TERT: variants seen among roughly 807,000 people sequenced by gnomAD.
TERT encodes the protein telomerase catalytic subunit.
A neutral mutation model predicts 104.0 loss-of-function variants in TERT; 42 were observed. The observed-to-expected ratio is 0.40, with a 90% CI of 0.32 to 0.52. TERT has a LOEUF of 0.52. Ranked by LOEUF, TERT falls within the 20% of genes least tolerant of loss-of-function variation. The pLI, the probability that TERT is intolerant of heterozygous loss-of-function variation, is 0.43. For missense variants in TERT, 1,101 were observed against 1,610.3 expected (o/e 0.68, Z 5.41); for synonymous variants, 781 against 725.6 (o/e 1.08, Z -1.23).
rs530585439 is a variant in TERT at position 1,270,388 on chromosome 5, G to A, written c.2468+731C>T. On this transcript the variant is annotated intron_variant, in intron 8 of 15. Transcript: ENST00000310581. This position sits in a 1 kb window ranked among gnomAD's most constrained non-coding sequence, Gnocchi z 8.3. Reference sequence around the variant, plus strand: ...CTTGCTGATGACCTTGAGTGTGCACGAATTTCCTCCGTGCTACCACTCTCC... The same window carrying A: ...CTTGCTGATGACCTTGAGTGTGCACAAATTTCCTCCGTGCTACCACTCTCC... Among the ~76,000 whole-genome samples the A allele has an allele frequency of 2.0e-5, 3 of 152,314 alleles. No homozygotes were observed. The highest frequency in any genetic ancestry group is 2.1e-4 in the South Asian group (1 of 4,816).
In TERT at chr5:1,263,105, G is replaced by A. The variant is rs940520733; in HGVS notation, c.2843+1299C>T. ...CCTGCCACTCCCCCATCATGAGGGC[G>A]TCTGCACCTGCTGCTCCCCCATCAC... is the stretch of plus-strand genomic sequence containing the variant. On this transcript the variant is annotated intron_variant, in intron 11 of 15. Transcript: ENST00000310581. The surrounding 1 kb of genome is among the most constrained non-coding windows in gnomAD (Gnocchi z 5.3). 2.0e-5 allele frequency among the ~76,000 whole-genome samples: 3 copies of A among 152,130 alleles called. No individual in the cohort carries two copies. The highest frequency in any genetic ancestry group is 7.2e-5 in the African/African-American group (3 of 41,414).
At chr5:1,280,062 TGGCCCCTCCTCC>T in intron 4 of TERT, 84 bp downstream of exon 4, 1 of 1,488,772 alleles carries the variant, frequency 6.7e-7, no homozygotes, top group Non-Finnish European at 9.4e-7. Context: ...CTGTGTCCCG[TGGCCCCTCCTCC>T]GGGCCCTTCA....
chr5:1,267,766 C>G (rs35812074), intron 9 of TERT, among the ~76,000 whole-genome samples: 2,680 of 152,202 alleles, frequency 0.018, 47 homozygotes, highest in East Asian at 0.063. Flanking sequence ...TTCTCACTCA[C>G]AGGTGGGAAC....
chr5:1,293,921 G>C lies in TERT; in HGVS notation c.965C>G (p.Pro322Arg), dbSNP rs1438162956. Residue 322 changes from proline to arginine, a missense_variant, in exon 2 of 16, where the codon CCC becomes CGC. Around this residue, in one of 5 missense-constraint regions of TERT, gnomAD observed 504 missense variants for 544.6 expected, o/e 0.93. Coordinates refer to ENST00000310581, the MANE Select transcript of TERT (RefSeq NM_198253.3). ...GTGCTTGGTCTCGGCGTACACCGGGGGACAAGGCGTGTCCCAGGGACGTGG... is the reference window on the plus strand; with the variant it reads ...GTGCTTGGTCTCGGCGTACACCGGGCGACAAGGCGTGTCCCAGGGACGTGG... ...RPPRPWDTPC[P>R]PVYAETKHFL... 2.6e-6 allele frequency: 4 copies of C among 1,542,602 alleles called. No individual in the cohort carries two copies. Among genetic ancestry groups the C allele is most frequent in the Non-Finnish European group, 3.5e-6 (4 of 1,147,334 alleles).
At chr5:1,276,386 C>T (rs1415991538) in intron 6 of TERT, among the ~76,000 whole-genome samples, 2 of 145,360 alleles carry the variant, frequency 1.4e-5, no homozygotes, top group South Asian at 2.3e-4. Context: ...TCCCCACCTA[C>T]CCCACGCATA....
chr5:1,274,341 C>G lies in TERT; in HGVS notation c.2287-2061G>C, dbSNP rs541502212. Among the ~76,000 whole-genome samples the G allele has an allele frequency of 2.0e-4, 31 of 152,322 alleles. No individual in the cohort carries two copies. Among genetic ancestry groups the G allele is most frequent in the Non-Finnish European group, 3.7e-4 (25 of 68,020 alleles). ...GGTCTGAGGTCGGCGGAAAGCATCA[C>G]AGAAATCCGTAATTATTCTGGACTC... On this transcript the variant is annotated intron_variant, in intron 6 of 15. Coordinates refer to ENST00000310581, the MANE Select transcript of TERT (RefSeq NM_198253.3). The surrounding 1 kb of genome is among the most constrained non-coding windows in gnomAD (Gnocchi z 5.3).
rs954430188 is a variant in TERT at position 1,274,308 on chromosome 5, A to C, written c.2287-2028T>G. On this transcript the variant is annotated intron_variant, in intron 6 of 15. Transcript: ENST00000310581. The surrounding 1 kb of genome is among the most constrained non-coding windows in gnomAD (Gnocchi z 5.3). The stretch of plus-strand genomic sequence containing the variant: ...AGGAGCAGGCAACACGCCCACAAAT[A>C]GCCCATGGGTCTGAGGTCGGCGGAA... Among the ~76,000 whole-genome samples the C allele has an allele frequency of 3.9e-5, 6 of 152,226 alleles. No homozygotes were observed. Among genetic ancestry groups the C allele is most frequent in the Admixed American group, 3.9e-4 (6 of 15,286 alleles).
At position 1,253,354 on chromosome 5, in the gene TERT, T is replaced by G; in HGVS notation, c.*374A>C. The G allele has an allele frequency of 1.8e-5, 7 of 399,004 alleles. No homozygotes were observed. The highest frequency in any genetic ancestry group is 6.0e-5 in the South Asian group (2 of 33,300). The allele number at this position is 399,004 out of a possible 1,614,324, so 24.7% of individuals were successfully genotyped here. On this transcript the variant is annotated 3_prime_UTR_variant, in exon 16 of 16. Coordinates refer to ENST00000310581, the MANE Select transcript of TERT (RefSeq NM_198253.3). Reference sequence around the variant, plus strand: ...AGGGTCTCCACCTGGATGGTGGGGGTGGAAGGCAAAGGAGGGCAGGGCGAG... The same window carrying G: ...AGGGTCTCCACCTGGATGGTGGGGGGGGAAGGCAAAGGAGGGCAGGGCGAG...
intron 2 of TERT, 106 bp downstream of exon 2, chr5:1,293,207 C>G (rs989283402): frequency 1.4e-6 from 2 of 1,429,668 alleles, no homozygotes; most frequent in East Asian, 4.6e-5. Context: ...CGTGTGCCCA[C>G]GTGACGATGG....
At chr5:1,259,028 G>A (rs2126574954) in intron 12 of TERT, among the ~76,000 whole-genome samples, 1 of 148,054 alleles carries the variant, frequency 6.8e-6, no homozygotes. Context: ...CACAGGAGAG[G>A]GGGAGTGGAC....
Position 1,269,543 on chromosome 5 carries a change from G to A in TERT, c.2469-910C>T, listed in dbSNP as rs1214628284. ...GGAGAAATGCTGGAACCCGGGAGGC[G>A]GAGGTTGCAGTGAGTTGAGATCGCG... On this transcript the variant is annotated intron_variant, in intron 8 of 15. Coordinates refer to ENST00000310581, the MANE Select transcript of TERT (RefSeq NM_198253.3). This position sits in a 1 kb window ranked among gnomAD's most constrained non-coding sequence, Gnocchi z 9.0. 2.6e-5 allele frequency among the ~76,000 whole-genome samples: 4 copies of A among 151,884 alleles called. No individual in the cohort carries two copies. Among genetic ancestry groups the A allele is most frequent in the Admixed American group, 6.6e-5 (1 of 15,246 alleles).
Position 1,257,266 on chromosome 5 carries a change from G to A in TERT, c.3032+1332C>T, listed in dbSNP as rs1025426438. ...GACAAGACTGAGCTGAATATGGGAG[G>A]AGCAGGTGGCAGGTCACATGGCCCT... is the stretch of plus-strand genomic sequence containing the variant. On this transcript the variant is annotated intron_variant, in intron 13 of 15. Transcript: ENST00000310581. This position sits in a 1 kb window ranked among gnomAD's most constrained non-coding sequence, Gnocchi z 5.6. Among the ~76,000 whole-genome samples, 2 of 152,144 alleles carry A rather than the reference G, an allele frequency of 1.3e-5. No individual in the cohort carries two copies. Among genetic ancestry groups the A allele is most frequent in the East Asian group, 1.9e-4 (1 of 5,172 alleles).
Position 1,287,117 on chromosome 5 carries a change from T to C in TERT, c.1574-4493A>G, listed in dbSNP as rs990007315. On this transcript the variant is annotated intron_variant, in intron 2 of 15. Coordinates refer to ENST00000310581, the MANE Select transcript of TERT (RefSeq NM_198253.3). This position sits in a 1 kb window ranked among gnomAD's most constrained non-coding sequence, Gnocchi z 4.3. ...GACAAAAAAATGAAAATAAATCAGG[T>C]TATCCAGTTAAACAACGACTGTCAG... Among the ~76,000 whole-genome samples, 1 of 152,114 alleles carries C rather than the reference T, an allele frequency of 6.6e-6. No individual in the cohort carries two copies. Among genetic ancestry groups the C allele is most frequent in the Non-Finnish European group, 1.5e-5 (1 of 68,030 alleles).
At chr5:1,278,569 C>G (rs572446985) in intron 6 of TERT, 72 bp downstream of exon 6, 6 of 1,602,118 alleles carry the variant, frequency 3.7e-6, no homozygotes, top group South Asian at 1.1e-5. Context: ...ATCACAGACA[C>G]GACTGCATTC....
intron 10 of TERT, among the ~76,000 whole-genome samples, chr5:1,264,939 G>T (rs148540276): frequency 9.9e-5 from 15 of 152,188 alleles, no homozygotes; most frequent in Admixed American, 7.9e-4. Context: ...TCTGTGGTCC[G>T]GGGCAGACTA....
At chr5:1,282,298 C>T (rs1029279956) in intron 3 of TERT, 131 bp downstream of exon 3, 10 of 942,856 alleles carry the variant, frequency 1.1e-5, no homozygotes, top group African/African-American at 9.7e-5. Context: ...AGGCCTGTGA[C>T]GGGGCCCCTG....
chr5:1,263,832 C>G lies in TERT; in HGVS notation c.2843+572G>C, dbSNP rs1748393507. Among the ~76,000 whole-genome samples, 1 of 152,212 alleles carries G rather than the reference C, an allele frequency of 6.6e-6. No individual in the cohort carries two copies. The highest frequency in any genetic ancestry group is 2.4e-5 in the African/African-American group (1 of 41,452). On this transcript the variant is annotated intron_variant, in intron 11 of 15. Coordinates refer to ENST00000310581, the MANE Select transcript of TERT (RefSeq NM_198253.3). The surrounding 1 kb of genome is among the most constrained non-coding windows in gnomAD (Gnocchi z 5.3). The stretch of plus-strand genomic sequence containing the variant: ...GCTCTCGGGCTCTGGGGAAACAAGA[C>G]CCCAGAATTTTGTAGAGACCCCCCC...
chr5:1,261,203 G>A lies in TERT; in HGVS notation c.2844-603C>T, dbSNP rs369295342. 1.7e-4 allele frequency among the ~76,000 whole-genome samples: 26 copies of A among 152,292 alleles called. No individual in the cohort carries two copies. Among genetic ancestry groups the A allele is most frequent in the African/African-American group, 5.5e-4 (23 of 41,552 alleles). On this transcript the variant is annotated intron_variant, in intron 11 of 15. Coordinates refer to ENST00000310581, the MANE Select transcript of TERT (RefSeq NM_198253.3). This position sits in a 1 kb window ranked among gnomAD's most constrained non-coding sequence, Gnocchi z 7.4. Reference sequence around the variant, plus strand: ...AAAGATGAACACACATGACATCCACGGCAGGCTCCTGGGGTGTGTTCTTTT... The same window carrying A: ...AAAGATGAACACACATGACATCCACAGCAGGCTCCTGGGGTGTGTTCTTTT...
At position 1,293,555 on chromosome 5, in the gene TERT, T is replaced by C. The variant is rs878855299; in HGVS notation, c.1331A>G (p.Asp444Gly). The C allele has an allele frequency of 3.6e-5, 55 of 1,547,348 alleles. No individual in the cohort carries two copies. The highest frequency in any genetic ancestry group is 4.6e-5 in the Non-Finnish European group (53 of 1,144,650). Residue 444 changes from aspartate (D) to glycine (G), a missense_variant, in exon 2 of 16, where the codon GAC becomes GGC. Asp to Gly is a moderately conservative substitution (Grantham distance 94). Transcript: ENST00000310581. Reference protein sequence around the residue: ...SVAAPEEEDTDPRRLVQLLRQ... With the variant: ...SVAAPEEEDTGPRRLVQLLRQ... ...GAGCAGCTGCACCAGGCGACGGGGG[T>C]CTGTGTCCTCCTCCTCGGGGGCCGC...
Sources: gnomAD v4.1 joint callset for allele counts (sites outside exome capture counted in the v4.1 genomes callset) on GRCh38, gnomAD v4.1.1 for gene constraint, gnomAD v4.1.1 regional missense constraint, Gnocchi (gnomAD v3.1) non-coding constraint, MANE v1.5 for transcripts, NCBI Gene and HGNC (gene_info 2026-07-23, HGNC 2026-07-21) for gene names.